Variants in SCFD2 observed in about 807,000 individuals in gnomAD.
The protein encoded by SCFD2 is sec1 family domain containing 2, also known as sec1 family domain-containing protein 2.
In SCFD2, 54 loss-of-function variants were observed where a neutral mutation model predicts 58.9. That is an observed-to-expected ratio of 0.92 (90% CI 0.74 to 1.15). SCFD2 has a LOEUF of 1.15. SCFD2 is among the 50% of genes most tolerant of loss of function. The pLI is 0.00. For missense variants in SCFD2, 805 were observed against 836.6 expected (o/e 0.96, Z 0.47); for synonymous variants, 321 against 335.9 (o/e 0.96, Z 0.49).
rs1429493331 is a variant in SCFD2, at chr4:52,938,978, A to G, written c.1562-18108T>C. ...TTCTGAGCTGAAGCCTTTAAAAGCCAGTGTCTAATTTACCACTCCCCCTTT... is the reference window on the plus strand; with the variant it reads ...TTCTGAGCTGAAGCCTTTAAAAGCCGGTGTCTAATTTACCACTCCCCCTTT... On this transcript the variant is annotated intron_variant, in intron 5 of 8. Coordinates refer to ENST00000401642, the MANE Select transcript of SCFD2 (RefSeq NM_152540.4). Among the ~76,000 whole-genome samples, 4 of 152,184 alleles carry G rather than the reference A, an allele frequency of 2.6e-5. No homozygotes were observed. In the East Asian group the frequency reaches 7.7e-4, roughly 29 times the overall value.
intron 4 of SCFD2, among the ~76,000 whole-genome samples, chr4:53,253,476 C>G (rs1297770544): frequency 3.9e-5 from 6 of 152,082 alleles, no homozygotes; most frequent in Admixed American, 3.3e-4. Flanking sequence ...ATAGCAAAGA[C>G]TTGAAACCAT....
intron 3 of SCFD2, among the ~76,000 whole-genome samples, chr4:53,307,567 C>A (rs552292171): frequency 6.6e-6 from 1 of 152,192 alleles, no homozygotes; most frequent in Non-Finnish European, 1.5e-5. Context: ...GAAAACTTAA[C>A]ATACAGAATT....
At chr4:53,168,919 G>A (rs1727093227) in intron 4 of SCFD2, among the ~76,000 whole-genome samples, 2 of 152,112 alleles carry the variant, frequency 1.3e-5, no homozygotes, top group Non-Finnish European at 2.9e-5. Context: ...CTCAGTCTCT[G>A]ATAACTACCA....
chr4:53,007,330 GAGA>G, intron 5 of SCFD2, among the ~76,000 whole-genome samples: 1 of 134,994 alleles, frequency 7.4e-6, no homozygotes, highest in Admixed American at 7.8e-5. Flanking sequence ...GAGAGAGAGA[GAGA>G]GGGAGAGAGA....
intron 3 of SCFD2, among the ~76,000 whole-genome samples, chr4:53,294,165 G>A (rs780277706): frequency 3.8e-4 from 58 of 152,068 alleles, no homozygotes; most frequent in Non-Finnish European, 5.9e-4. Context: ...ACCCAGTAAC[G>A]GGATTGCTGG....
intron 4 of SCFD2, among the ~76,000 whole-genome samples, chr4:53,189,586 G>A (rs71597823): frequency 6.6e-6 from 1 of 152,076 alleles, no homozygotes; most frequent in Non-Finnish European, 1.5e-5. Flanking sequence ...TCTTATAAGG[G>A]TACTAATCCC....
At chr4:52,901,463 A>G (rs1719197338) in intron 7 of SCFD2, among the ~76,000 whole-genome samples, 1 of 152,168 alleles carries the variant, frequency 6.6e-6, no homozygotes, top group South Asian at 2.1e-4. Flanking sequence ...GTCTCCTAGG[A>G]TGCTGGCCCT....
chr4:52,997,033 G>A (rs77138968), intron 5 of SCFD2, among the ~76,000 whole-genome samples: 14,576 of 152,212 alleles, frequency 0.096, 919 homozygotes, highest in South Asian at 0.18. Flanking sequence ...CATTCCAAAC[G>A]TTTAACCCTT....
At chr4:53,171,405 T>A (rs1182348338) in intron 4 of SCFD2, among the ~76,000 whole-genome samples, 6 of 152,236 alleles carry the variant, frequency 3.9e-5, no homozygotes, top group African/African-American at 1.4e-4. Context: ...TATTGTTGAA[T>A]TCAGTTTGCT....
intron 5 of SCFD2, among the ~76,000 whole-genome samples, chr4:52,966,931 C>G (rs1720977984): frequency 6.6e-6 from 1 of 152,136 alleles, no homozygotes; most frequent in Non-Finnish European, 1.5e-5. Flanking sequence ...CAGCCAACAC[C>G]ACCATCCATC....
intron 5 of SCFD2, among the ~76,000 whole-genome samples, chr4:52,971,480 G>C (rs1721099714): frequency 6.6e-6 from 1 of 152,150 alleles, no homozygotes; most frequent in Non-Finnish European, 1.5e-5. Flanking sequence ...AGAATAGAAA[G>C]AAATGAACAA....
intron 5 of SCFD2, among the ~76,000 whole-genome samples, chr4:52,928,309 G>A (rs1719909006): frequency 6.6e-6 from 1 of 152,116 alleles, no homozygotes; most frequent in Non-Finnish European, 1.5e-5. Context: ...CCTCTAGCCT[G>A]GGTGACAGAG....
chr4:52,944,200 G>T (rs968792840), intron 5 of SCFD2, among the ~76,000 whole-genome samples: 11 of 152,136 alleles, frequency 7.2e-5, no homozygotes, highest in African/African-American at 2.4e-4. Context: ...TGTGGACTAA[G>T]ACTGAGAATT....
chr4:53,007,184 G>A (rs1264556499), intron 5 of SCFD2, among the ~76,000 whole-genome samples: 2 of 151,706 alleles, frequency 1.3e-5, no homozygotes, highest in South Asian at 4.2e-4. Context: ...AGAAGGCTGA[G>A]GGGAGGATTG....
intron 4 of SCFD2, among the ~76,000 whole-genome samples, chr4:53,192,634 T>C (rs917537967): frequency 6.6e-6 from 1 of 152,212 alleles, no homozygotes; most frequent in Non-Finnish European, 1.5e-5. Flanking sequence ...ACCCACTCAA[T>C]GTATGACTGC....
At chr4:53,037,729 A>C (rs184305647) in intron 5 of SCFD2, among the ~76,000 whole-genome samples, 1 of 152,212 alleles carries the variant, frequency 6.6e-6, no homozygotes, top group East Asian at 1.9e-4. Flanking sequence ...CAGCCCCCCA[A>C]CCTTAACTCT....
At chr4:53,331,363 A>T (rs953052837) in intron 2 of SCFD2, among the ~76,000 whole-genome samples, 2 of 152,292 alleles carry the variant, frequency 1.3e-5, no homozygotes, top group African/African-American at 4.8e-5. Flanking sequence ...TCTCCTCAGC[A>T]AATGTAAAAG....
chr4:52,929,271 T>C (rs1167924518), intron 5 of SCFD2, among the ~76,000 whole-genome samples: 1 of 152,180 alleles, frequency 6.6e-6, no homozygotes, highest in African/African-American at 2.4e-5. Context: ...GGTGGATTCA[T>C]GGGTGTTTAT....
chr4:52,948,474 T>C, intron 5 of SCFD2: 1 of 456,268 alleles, frequency 2.2e-6, no homozygotes, highest in South Asian at 1.6e-5. Flanking sequence ...GGGAGATAAC[T>C]ACAGTGACCT....
Sources: gnomAD v4.1 joint callset for allele counts (sites outside exome capture counted in the v4.1 genomes callset) on GRCh38, gnomAD v4.1.1 for gene constraint, MANE v1.5 for transcripts, NCBI Gene and HGNC (gene_info 2026-07-23, HGNC 2026-07-21) for gene names.